Variants in FAM149B1 observed in about 807,000 individuals in gnomAD.
FAM149B1 encodes family with sequence similarity 149 member B1.
Under a neutral mutation model 75.3 loss-of-function variants are expected in FAM149B1, and 56 were observed. The observed-to-expected ratio is 0.74, with a 90% CI of 0.60 to 0.93. The LOEUF (loss-of-function observed/expected upper bound fraction) is 0.93, where lower values mean the gene tolerates loss of function less well. Ranked by LOEUF, FAM149B1 falls within the 40% of genes least tolerant of loss-of-function variation. FAM149B1 has a pLI of 0.00. For synonymous variants in FAM149B1, 259 were observed against 256.1 expected (o/e 1.01, Z -0.11); for missense variants, 639 against 708.4 (o/e 0.90, Z 1.11).
chr10:73,183,350 A>G (rs891750743), intron 3 of FAM149B1: 5 of 152,208 alleles, frequency 3.3e-5, no homozygotes, highest in Admixed American at 1.3e-4. Context: ...ATGGGTGACT[A>G]TAAGTGGAAT....
Position 73,242,071 on chromosome 10 carries a change from G to T in FAM149B1, c.*1052G>T, listed in dbSNP as rs2043960647. The T allele has an allele frequency of 6.6e-6, 1 of 152,056 alleles. No homozygotes were observed. Among genetic ancestry groups the T allele is most frequent in the African/African-American group, 2.4e-5 (1 of 41,414 alleles). 9.4% of individuals were successfully genotyped at this position (152,056 alleles called of 1,614,324 possible). A position where few individuals can be genotyped will look rare whatever the true frequency, so the allele number is the denominator to read the frequency against. On this transcript the variant is annotated 3_prime_UTR_variant, in exon 14 of 14. Transcript: ENST00000242505. ...TAAATTCAAATAATCATAAATTACG[G>T]TAACTTTTTATTATACCAAGGTGTT...
chr10:73,224,822 T>C (rs537743738), intron 7 of FAM149B1, among the ~76,000 whole-genome samples: 34 of 152,256 alleles, frequency 2.2e-4, no homozygotes, highest in African/African-American at 7.9e-4. Context: ...GGGTTTCTTT[T>C]TGGGGTGATA....
intron 3 of FAM149B1, among the ~76,000 whole-genome samples, chr10:73,185,169 A>G (rs188148793): frequency 6.6e-6 from 1 of 152,346 alleles, no homozygotes. Flanking sequence ...ACTTAAAGAA[A>G]AATTAAAAAT....
intron 3 of FAM149B1, among the ~76,000 whole-genome samples, chr10:73,180,720 T>C (rs2042376106): frequency 1.3e-5 from 2 of 152,194 alleles, no homozygotes; most frequent in African/African-American, 4.8e-5. Flanking sequence ...TAAAACAAAA[T>C]CCATTCCTTC....
intron 5 of FAM149B1, among the ~76,000 whole-genome samples, chr10:73,204,082 C>T (rs143192703): frequency 2.4e-3 from 359 of 152,228 alleles, no homozygotes; most frequent in Non-Finnish European, 3.7e-3. Flanking sequence ...GATTTTCCCA[C>T]CAGCCTTGTT....
chr10:73,173,772 C>T (rs1037562102), intron 1 of FAM149B1, among the ~76,000 whole-genome samples: 2 of 151,984 alleles, frequency 1.3e-5, no homozygotes, highest in Non-Finnish European at 2.9e-5. Flanking sequence ...TAAATTTTTT[C>T]GATATTTCTA....
At chr10:73,225,992 C>CG (rs1432970625) in intron 7 of FAM149B1, among the ~76,000 whole-genome samples, 3 of 152,098 alleles carry the variant, frequency 2.0e-5, no homozygotes, top group Admixed American at 6.6e-5. Context: ...TAAATACACT[C>CG]AGACTTCACA....
At chr10:73,212,416 G>A (rs2043205334) in intron 7 of FAM149B1, among the ~76,000 whole-genome samples, 1 of 152,136 alleles carries the variant, frequency 6.6e-6, no homozygotes, top group African/African-American at 2.4e-5. Flanking sequence ...GAGTAGCTGG[G>A]ATTACAGGTG....
At chr10:73,229,348 G>T (rs2043630471) in intron 8 of FAM149B1, among the ~76,000 whole-genome samples, 1 of 152,224 alleles carries the variant, frequency 6.6e-6, no homozygotes, top group Admixed American at 6.5e-5. Context: ...GCCAAGGTGG[G>T]TGGGTCATTT....
At chr10:73,209,942 G>A (rs1040994452) in intron 6 of FAM149B1, among the ~76,000 whole-genome samples, 13 of 151,410 alleles carry the variant, frequency 8.6e-5, no homozygotes, top group Admixed American at 4.0e-4. Flanking sequence ...GTTCACTCAC[G>A]TATCACTCAT....
At chr10:73,199,275 T>A (rs2042879567) in intron 5 of FAM149B1, among the ~76,000 whole-genome samples, 1 of 152,072 alleles carries the variant, frequency 6.6e-6, no homozygotes, top group Non-Finnish European at 1.5e-5. Flanking sequence ...TGGAGTGCAG[T>A]GGCACAATCT....
At chr10:73,226,766 G>C (rs1470264559) in intron 7 of FAM149B1, among the ~76,000 whole-genome samples, 1 of 152,100 alleles carries the variant, frequency 6.6e-6, no homozygotes, top group East Asian at 1.9e-4. Flanking sequence ...ATAATACCTG[G>C]AAGTACAGAA....
chr10:73,203,571 C>G (rs1023171869), intron 5 of FAM149B1, among the ~76,000 whole-genome samples: 2 of 152,054 alleles, frequency 1.3e-5, no homozygotes, highest in Non-Finnish European at 2.9e-5. Context: ...GGAACTCATC[C>G]CCAAATCCTC....
rs371818982 is a variant in FAM149B1 at position 73,182,614 on chromosome 10, C to T, written c.282+4639C>T. Among the ~76,000 whole-genome samples the T allele has an allele frequency of 1.6e-4, 24 of 152,264 alleles. No individual in the cohort carries two copies. The East Asian group carries it at 2.9e-3, about 18-fold the overall frequency. The stretch of plus-strand genomic sequence containing the variant: ...ACCTCAGAATCCAGCCATCATATTG[C>T]GAGGAAGTTCAGACCACATGAAAAG... On this transcript the variant is annotated intron_variant, in intron 3 of 13. Transcript: ENST00000242505.
intron 7 of FAM149B1, among the ~76,000 whole-genome samples, chr10:73,216,489 G>A (rs114310345): frequency 5.6e-5 from 7 of 123,990 alleles, no homozygotes; most frequent in Non-Finnish European, 8.3e-5. Flanking sequence ...TCTGTCTTTT[G>A]TCTTTGTGGT....
intron 7 of FAM149B1, among the ~76,000 whole-genome samples, chr10:73,211,646 G>C (rs2043188226): frequency 6.6e-6 from 1 of 152,216 alleles, no homozygotes; most frequent in East Asian, 1.9e-4. Context: ...GTGATGATTA[G>C]ACAGAGCTTG....
At position 73,243,787 on chromosome 10, in the gene FAM149B1, A is replaced by T. The variant is rs949538081; in HGVS notation, c.*2768A>T. The stretch of plus-strand genomic sequence containing the variant: ...AACAAAATACAACATTCCAAAGAAA[A>T]TATTAGCAGTAGGAATCAGATCATT... On this transcript the variant is annotated 3_prime_UTR_variant, in exon 14 of 14. Transcript: ENST00000242505. 1.4e-6 allele frequency: 2 copies of T among 1,462,058 alleles called. No homozygotes were observed. The highest frequency in any genetic ancestry group is 2.8e-5 in the African/African-American group (2 of 70,910). 90.6% of individuals were successfully genotyped at this position (1,462,058 alleles called of 1,614,324 possible).
chr10:73,192,321 C>A, intron 3 of FAM149B1: 1 of 431,696 alleles, frequency 2.3e-6, no homozygotes, highest in Non-Finnish European at 4.1e-6. Flanking sequence ...GTACTTGGAC[C>A]AGCCTAAAAA....
In FAM149B1 at chr10:73,211,456, C is replaced by G. The variant is rs556046439; in HGVS notation, c.898+1018C>G. The stretch of plus-strand genomic sequence containing the variant: ...AGGAGCTATGTGCCTCAACCAGGGG[C>G]AGAGACCAAATATCTGTTTATTATC... On this transcript the variant is annotated intron_variant, in intron 7 of 13. Coordinates refer to ENST00000242505, the MANE Select transcript of FAM149B1 (RefSeq NM_173348.2). 2.0e-3 allele frequency among the ~76,000 whole-genome samples: 303 copies of G among 152,328 alleles called. 3 individuals carry two copies. The highest frequency in any genetic ancestry group is 7.0e-3 in the African/African-American group (292 of 41,566).
Sources: gnomAD v4.1 joint callset for allele counts (sites outside exome capture counted in the v4.1 genomes callset) on GRCh38, gnomAD v4.1.1 for gene constraint, MANE v1.5 for transcripts, NCBI Gene and HGNC (gene_info 2026-07-23, HGNC 2026-07-21) for gene names.